Variants in CCNF observed in about 807,000 individuals in gnomAD.
CCNF encodes cyclin-F.
Under a neutral mutation model 85.4 loss-of-function variants are expected in CCNF, and 30 were observed. That is an observed-to-expected ratio of 0.35 (90% CI 0.26 to 0.48). The LOEUF (loss-of-function observed/expected upper bound fraction) is 0.48. CCNF is among the 20% of genes least tolerant of loss of function. The pLI, the probability that CCNF is intolerant of heterozygous loss-of-function variation, is 0.99. For synonymous variants in CCNF, 439 were observed against 425.1 expected (o/e 1.03, Z -0.40); for missense variants, 919 against 1,010.4 (o/e 0.91, Z 1.23).
chr16:2,436,085 C>G, intron 4 of CCNF: 1 of 456,274 alleles, frequency 2.2e-6, no homozygotes, highest in Non-Finnish European at 3.9e-6. Flanking sequence ...CGAAAGTCGC[C>G]TCTTGTTTTA....
chr16:2,438,645 A>G (rs191093580), intron 6 of CCNF, among the ~76,000 whole-genome samples: 1 of 151,616 alleles, frequency 6.6e-6, no homozygotes, highest in African/African-American at 2.4e-5. Flanking sequence ...AGTCTCAGAA[A>G]AAAAAAAAAA....
At chr16:2,431,526 A>G (rs555999972) in intron 2 of CCNF, among the ~76,000 whole-genome samples, 18 of 151,964 alleles carry the variant, frequency 1.2e-4, no homozygotes, top group African/African-American at 4.1e-4. Context: ...CTAAAAATAC[A>G]AAAATTAGCC....
In CCNF at chr16:2,457,089, A is replaced by C; in HGVS notation, c.*69A>C. ...TGGAGGCGAAGGGTGGGAGCATAGC[A>C]TAGGAACGCTGCATAGACCATGGAG... On this transcript the variant is annotated 3_prime_UTR_variant, in exon 17 of 17. Coordinates refer to ENST00000397066, the MANE Select transcript of CCNF (RefSeq NM_001761.3). 1 of 1,170,910 alleles carries C rather than the reference A, an allele frequency of 8.5e-7. No individual in the cohort carries two copies. Among genetic ancestry groups the C allele is most frequent in the South Asian group, 1.5e-5 (1 of 66,002 alleles). 72.5% of individuals were successfully genotyped at this position (1,170,910 alleles called of 1,614,324 possible).
chr16:2,450,336 TA>T lies in CCNF; in HGVS notation c.1487+446del, dbSNP rs869044588. On this transcript the variant is annotated intron_variant, in intron 13 of 16. Coordinates refer to ENST00000397066, the MANE Select transcript of CCNF (RefSeq NM_001761.3). ...CAACGTGGCAAAACCCTGTCTCTAC[TA>T]AAAAAAAAAAAAAAAAAAAAAAAAT... Among the ~76,000 whole-genome samples, 476 of 65,910 alleles carry T rather than the reference TA, an allele frequency of 7.2e-3. 2 individuals carry two copies. Among genetic ancestry groups the T allele is most frequent in the Middle Eastern group, 0.011 (1 of 92 alleles). The allele number at this position is 65,910 out of a possible 152,430, so 43.2% of individuals were successfully genotyped here.
At chr16:2,431,318 G>C in intron 2 of CCNF, 34 bp downstream of exon 2, 1 of 1,604,964 alleles carries the variant, frequency 6.2e-7, no homozygotes, top group Non-Finnish European at 8.5e-7. Flanking sequence ...ATGAGCCCTA[G>C]CATTGTTGAT....
intron 3 of CCNF, among the ~76,000 whole-genome samples, chr16:2,434,259 T>C (rs1392481313): frequency 1.3e-5 from 2 of 152,092 alleles, no homozygotes; most frequent in African/African-American, 2.4e-5. Context: ...TGAGCCAAGA[T>C]TGCGCCATTG....
chr16:2,456,341 C>T lies in CCNF; in HGVS notation c.1886-204C>T, dbSNP rs1325387038. ...TTGAGCTAGATGGCCAACTTGTCAT[C>T]TCCACATTTGTTGGAGTCATGGCGG... On this transcript the variant is annotated intron_variant, in intron 16 of 16. Coordinates refer to ENST00000397066, the MANE Select transcript of CCNF (RefSeq NM_001761.3). This position sits in a 1 kb window ranked among gnomAD's most constrained non-coding sequence, Gnocchi z 4.5. The T allele has an allele frequency of 1.8e-4, 85 of 485,604 alleles. No individual in the cohort carries two copies. The East Asian group carries it at 2.7e-3, about 15-fold the overall frequency. The allele number at this position is 485,604 out of a possible 1,614,324, so 30.1% of individuals were successfully genotyped here.
At chr16:2,442,874 T>C (rs1356638172) in intron 8 of CCNF, among the ~76,000 whole-genome samples, 2 of 33,026 alleles carry the variant, frequency 6.1e-5, no homozygotes, top group African/African-American at 3.5e-4. Flanking sequence ...TTATATATAT[T>C]ATATTATAAT....
intron 4 of CCNF, chr16:2,436,849 A>G: frequency 3.7e-6 from 1 of 269,186 alleles, no homozygotes; most frequent in Admixed American, 5.4e-5. Context: ...GTGGGACATG[A>G]AGCGTCGCGG....
At chr16:2,449,046 T>C in intron 11 of CCNF, 68 bp downstream of exon 11, 9 of 1,179,478 alleles carry the variant, frequency 7.6e-6, no homozygotes, top group South Asian at 4.9e-5. Flanking sequence ...GGGTGGGCAT[T>C]CAGCTTTCCT....
At chr16:2,454,415 C>G (rs763679290) in intron 15 of CCNF, among the ~76,000 whole-genome samples, 2 of 152,186 alleles carry the variant, frequency 1.3e-5, no homozygotes, top group Admixed American at 6.5e-5. Flanking sequence ...CAGATACGCA[C>G]GGCTACTCCA....
chr16:2,453,520 G>C lies in CCNF; in HGVS notation c.1698G>C (p.Ser566=). 1.2e-6 allele frequency: 2 copies of C among 1,614,004 alleles called. No homozygotes were observed. Among genetic ancestry groups the C allele is most frequent in the African/African-American group, 1.3e-5 (1 of 75,034 alleles). Residue 566 remains serine (S), a synonymous_variant, in exon 15 of 17, where the codon TCG becomes TCC. Transcript: ENST00000397066. The surrounding 1 kb of genome is among the most constrained non-coding windows in gnomAD (Gnocchi z 5.6). ...TCCACGCCTTCCTCAGCTCTCCCTC[G>C]GGGCGGAGAACCAAACGGTTAGTTA... The part of the protein sequence containing the change: ...GEIHAFLSSP[S]GRRTKRKREN...
In CCNF at chr16:2,441,623, G is replaced by A. The variant is rs111632439; in HGVS notation, c.777+1797G>A. Among the ~76,000 whole-genome samples the A allele has an allele frequency of 3.1e-3, 470 of 151,592 alleles. 4 individuals carry two copies. The highest frequency in any genetic ancestry group is 0.011 in the African/African-American group (455 of 41,336). Reference sequence around the variant, plus strand: ...ATCTCAGCTCACTGCAACCTCTGACGCCTGGGTTCAAGCCTTCTGAGTAGC... The same window carrying A: ...ATCTCAGCTCACTGCAACCTCTGACACCTGGGTTCAAGCCTTCTGAGTAGC... On this transcript the variant is annotated intron_variant, in intron 8 of 16. Transcript: ENST00000397066.
At chr16:2,441,427 A>G (rs1016143955) in intron 8 of CCNF, among the ~76,000 whole-genome samples, 2 of 152,044 alleles carry the variant, frequency 1.3e-5, no homozygotes, top group African/African-American at 4.8e-5. Flanking sequence ...AAATGCAACA[A>G]CGTAGTTCTC....
intron 10 of CCNF, among the ~76,000 whole-genome samples, chr16:2,447,937 G>A (rs1385062899): frequency 6.6e-6 from 1 of 152,210 alleles, no homozygotes; most frequent in African/African-American, 2.4e-5. Flanking sequence ...TCTTGGTCAA[G>A]TGAATGACGC....
chr16:2,441,938 TA>T (rs1252135166), intron 8 of CCNF, among the ~76,000 whole-genome samples: 15 of 2,654 alleles, frequency 5.7e-3, no homozygotes, highest in African/African-American at 0.012. Context: ...ATTAGCAAAT[TA>T]TATATATATA....
rs1320814016 is a variant in CCNF, at chr16:2,451,265, G to C, written c.1487+1350G>C. ...GCGGGCGGGGGCGACTCCCTTCAGGGAGCGTAGCCGGGGTCACCTGGGCAT... is the reference window on the plus strand; with the variant it reads ...GCGGGCGGGGGCGACTCCCTTCAGGCAGCGTAGCCGGGGTCACCTGGGCAT... On this transcript the variant is annotated intron_variant, in intron 13 of 16. Transcript: ENST00000397066. The surrounding 1 kb of genome is among the most constrained non-coding windows in gnomAD (Gnocchi z 4.3). Among the ~76,000 whole-genome samples the C allele has an allele frequency of 6.6e-6, 1 of 152,236 alleles. No homozygotes were observed. The highest frequency in any genetic ancestry group is 1.5e-5 in the Non-Finnish European group (1 of 68,038).
rs765812496 is a variant in CCNF at position 2,448,887 on chromosome 16, A to AG, written c.1129dup (p.Ala377GlyfsTer107). On this transcript the variant is annotated frameshift_variant, in exon 11 of 17. Coordinates refer to ENST00000397066, the MANE Select transcript of CCNF (RefSeq NM_001761.3). LOFTEE classifies it high-confidence loss of function. ...AGTAAAGAGATCCTGACCATCCGGG[A>AG]GGCCGTATGGCTCACGGACAACACT... 6.2e-7 allele frequency: 1 copy of AG among 1,613,770 alleles called. No homozygotes were observed. Among genetic ancestry groups the AG allele is most frequent in the Non-Finnish European group, 8.5e-7 (1 of 1,179,694 alleles).
chr16:2,447,044 C>A (rs1410232467), intron 10 of CCNF, among the ~76,000 whole-genome samples: 1 of 152,170 alleles, frequency 6.6e-6, no homozygotes, highest in Non-Finnish European at 1.5e-5. Context: ...CCAGGTCTTC[C>A]GACCAGAGAC....
Sources: allele counts gnomAD v4.1 joint callset (sites outside exome capture counted in the v4.1 genomes callset), GRCh38; gene constraint gnomAD v4.1.1; non-coding constraint Gnocchi (gnomAD v3.1); transcripts MANE v1.5; gene names NCBI Gene and HGNC (gene_info 2026-07-23, HGNC 2026-07-21).